Variants in CSMD1 observed in about 807,000 individuals in gnomAD.
The protein encoded by CSMD1 is CUB and Sushi multiple domains 1.
In CSMD1, 213 loss-of-function variants were observed where a neutral mutation model predicts 417.5. The ratio of observed to expected loss-of-function variants is 0.51; its 90% CI spans 0.46 to 0.57. The LOEUF (loss-of-function observed/expected upper bound fraction) is 0.57. Ranked by LOEUF, CSMD1 falls within the 20% of genes least tolerant of loss-of-function variation. The probability of loss-of-function intolerance (pLI) is 0.00; values close to 1 mark genes in which losing one functional copy is unlikely to be tolerated. For synonymous variants in CSMD1, 2,862 were observed against 1,736.8 expected (o/e 1.65, Z -16.11); for missense variants, 6,923 against 4,529.7 (o/e 1.53, Z -15.17).
rs1342945110 is a variant in CSMD1 at position 4,590,174 on chromosome 8, T to G, written c.302+47168A>C. On this transcript the variant is annotated intron_variant, in intron 2 of 69. Coordinates refer to ENST00000635120, the MANE Select transcript of CSMD1 (RefSeq NM_033225.6). ...TTTGCTCAGAATTCTTTATGCTGTT[T>G]TTTTTTTCTTTTAGATGAGACCAGG... Among the ~76,000 whole-genome samples the G allele has an allele frequency of 5.3e-5, 8 of 152,270 alleles. No individual in the cohort carries two copies. In the East Asian group the frequency reaches 1.5e-3, roughly 29 times the overall value.
chr8:4,483,537 C>G (rs963588903), intron 2 of CSMD1, among the ~76,000 whole-genome samples: 2 of 151,950 alleles, frequency 1.3e-5, no homozygotes, highest in African/African-American at 4.8e-5. Context: ...ACAAGGACAC[C>G]AAAACTTATA....
chr8:4,873,477 C>T (rs990978038), intron 1 of CSMD1, among the ~76,000 whole-genome samples: 1 of 152,090 alleles, frequency 6.6e-6, no homozygotes, highest in African/African-American at 2.4e-5. Context: ...AGAAATTTTA[C>T]TTCTTAAAAC....
At chr8:4,801,427 A>G (rs1046534216) in intron 1 of CSMD1, among the ~76,000 whole-genome samples, 2 of 151,726 alleles carry the variant, frequency 1.3e-5, no homozygotes, top group African/African-American at 4.8e-5. Context: ...TCGGCCAGTC[A>G]GCTACTCTTA....
At chr8:3,611,759 T>C (rs1233120054) in intron 8 of CSMD1, among the ~76,000 whole-genome samples, 1 of 152,096 alleles carries the variant, frequency 6.6e-6, no homozygotes, top group Non-Finnish European at 1.5e-5. Flanking sequence ...TGTATAAATA[T>C]TTGAAAGAAC....
At chr8:3,749,267 A>T (rs539626205) in intron 6 of CSMD1, among the ~76,000 whole-genome samples, 3 of 152,330 alleles carry the variant, frequency 2.0e-5, no homozygotes, top group African/African-American at 7.2e-5. Context: ...TAAATCTTAC[A>T]TTCAACCACA....
intron 3 of CSMD1, among the ~76,000 whole-genome samples, chr8:4,099,202 A>ACACG (rs1447082565): frequency 1.8e-4 from 25 of 142,202 alleles, no homozygotes; most frequent in Non-Finnish European, 3.1e-5. Flanking sequence ...ACTCACACAC[A>ACACG]CACGCACACA....
intron 5 of CSMD1, among the ~76,000 whole-genome samples, chr8:3,844,478 G>C (rs1183622452): frequency 1.3e-5 from 2 of 152,180 alleles, no homozygotes; most frequent in Non-Finnish European, 2.9e-5. Context: ...GATTCAGAGA[G>C]AGCAATCTCT....
At chr8:4,881,300 T>C (rs1008796543) in intron 1 of CSMD1, among the ~76,000 whole-genome samples, 9 of 152,102 alleles carry the variant, frequency 5.9e-5, no homozygotes, top group South Asian at 2.1e-4. Context: ...ACAAGGATAG[T>C]GACAATGCAT....
intron 28 of CSMD1, among the ~76,000 whole-genome samples, chr8:3,222,295 A>G (rs1798264068): frequency 6.6e-6 from 1 of 151,450 alleles, no homozygotes; most frequent in Non-Finnish European, 1.5e-5. Flanking sequence ...GGAAACTCCT[A>G]CTAACAAGGT....
At chr8:4,587,464 T>C (rs1222930307) in intron 2 of CSMD1, among the ~76,000 whole-genome samples, 3 of 151,912 alleles carry the variant, frequency 2.0e-5, no homozygotes, top group Non-Finnish European at 4.4e-5. Context: ...TATATGTATA[T>C]GTAGATACAT....
intron 5 of CSMD1, among the ~76,000 whole-genome samples, chr8:3,933,902 C>T (rs1056650790): frequency 1.3e-5 from 2 of 151,956 alleles, no homozygotes; most frequent in Non-Finnish European, 2.9e-5. Context: ...CTCTAGGCCA[C>T]CTAGTAAATA....
chr8:4,763,190 G>T (rs971243744), intron 1 of CSMD1, among the ~76,000 whole-genome samples: 4 of 152,140 alleles, frequency 2.6e-5, no homozygotes, highest in African/African-American at 9.7e-5. Context: ...AAAGATCTGG[G>T]GGTAGAATTG....
intron 3 of CSMD1, among the ~76,000 whole-genome samples, chr8:4,308,959 G>C (rs1054572430): frequency 5.3e-5 from 8 of 152,118 alleles, no homozygotes; most frequent in African/African-American, 1.7e-4. Context: ...AATACTCCCT[G>C]TAACCTTCTG....
chr8:4,157,856 G>C (rs117451285), intron 3 of CSMD1, among the ~76,000 whole-genome samples: 2 of 152,132 alleles, frequency 1.3e-5, no homozygotes, highest in African/African-American at 4.8e-5. Context: ...ACAGGATGCT[G>C]AAGTTGGGCT....
In CSMD1 at chr8:4,935,675, G is replaced by A. The variant is rs568409926; in HGVS notation, c.85+58657C>T. ...ATCACCATTGTAACTAAAGAAACGA[G>A]TTTTACATATTTTTAGTTCTTGTTA... is the stretch of plus-strand genomic sequence containing the variant. On this transcript the variant is annotated intron_variant, in intron 1 of 69. Transcript: ENST00000635120. 5.9e-5 allele frequency among the ~76,000 whole-genome samples: 9 copies of A among 152,294 alleles called. No homozygotes were observed. In the South Asian group the frequency reaches 1.9e-3, roughly 32 times the overall value.
intron 1 of CSMD1, among the ~76,000 whole-genome samples, chr8:4,860,292 A>G (rs1223565487): frequency 6.6e-6 from 1 of 150,624 alleles, no homozygotes; most frequent in Non-Finnish European, 1.5e-5. Context: ...GGATAGCATT[A>G]GGAGATATAC....
chr8:3,096,809 A>C, intron 47 of CSMD1, 40 bp downstream of exon 47: 1 of 1,262,938 alleles, frequency 7.9e-7, no homozygotes, highest in Non-Finnish European at 1.1e-6. Flanking sequence ...TTTATCAATG[A>C]TGCCGAGGTC....
Position 3,342,736 on chromosome 8 carries a change from CT to C in CSMD1, c.3631+557del, listed in dbSNP as rs577426063. ...ACAGCTTCAATCCTGGCTCCACCAA[CT>C]CTTAAAACTGTTATCTCTGGCAAGT... On this transcript the variant is annotated intron_variant, in intron 23 of 69. Coordinates refer to ENST00000635120, the MANE Select transcript of CSMD1 (RefSeq NM_033225.6). 3.1e-3 allele frequency among the ~76,000 whole-genome samples: 466 copies of C among 152,278 alleles called. 9 individuals carry two copies. The highest frequency in any genetic ancestry group is 0.029 in the Admixed American group (445 of 15,288).
chr8:4,355,851 C>G (rs898849417), intron 3 of CSMD1, among the ~76,000 whole-genome samples: 7 of 152,308 alleles, frequency 4.6e-5, no homozygotes, highest in Non-Finnish European at 8.8e-5. Flanking sequence ...AGTAGAGGAG[C>G]TTTGGAGGAT....
Sources: allele counts gnomAD v4.1 joint callset (sites outside exome capture counted in the v4.1 genomes callset), GRCh38; gene constraint gnomAD v4.1.1; transcripts MANE v1.5; gene names NCBI Gene and HGNC (gene_info 2026-07-23, HGNC 2026-07-21).